The following LARP4B variants were observed in gnomAD, a reference collection of about 807,000 sequenced individuals.
The protein encoded by LARP4B is la-related protein 4B.
LARP4B carries 12 observed loss-of-function variants against 89.8 expected under a neutral mutation model. That is an observed-to-expected ratio of 0.13 (90% CI 0.09 to 0.22). LARP4B has a LOEUF of 0.22. Ranked by LOEUF, LARP4B falls within the 10% of genes least tolerant of loss-of-function variation. LARP4B has a pLI of 1.00. For missense variants in LARP4B, 757 were observed against 947.7 expected (o/e 0.80, Z 2.64); for synonymous variants, 367 against 363.3 (o/e 1.01, Z -0.12).
the LARP4B span, among the ~76,000 whole-genome samples, chr10:939,699 G>A: frequency 5.5e-4 from 84 of 152,322 alleles, no homozygotes; most frequent in African/African-American, 1.9e-3. Flanking sequence ...AGAGGAATGA[G>A]TTGATGAGAC....
intron 1 of LARP4B, among the ~76,000 whole-genome samples, chr10:916,189 T>C (rs1478158726): frequency 1.3e-5 from 2 of 152,164 alleles, no homozygotes; most frequent in East Asian, 3.8e-4. Flanking sequence ...TCAGACATAA[T>C]TATGGTTATT....
intron 5 of LARP4B, 32 bp downstream of exon 5, chr10:863,711 C>G: frequency 1.9e-6 from 3 of 1,562,062 alleles, no homozygotes; most frequent in Non-Finnish European, 2.6e-6. Context: ...GCCCATATTC[C>G]CTGGGAAAAT....
intron 3 of LARP4B, among the ~76,000 whole-genome samples, chr10:869,398 A>G (rs891932848): frequency 2.6e-5 from 4 of 152,180 alleles, no homozygotes; most frequent in African/African-American, 9.6e-5. Context: ...CAGACAGAAA[A>G]AAGTCAACAC....
At chr10:959,465 A>C in the LARP4B span, among the ~76,000 whole-genome samples, 8 of 10,048 alleles carry the variant, frequency 8.0e-4, no homozygotes, top group Admixed American at 1.5e-3. Flanking sequence ...CCATCAATCC[A>C]CCTCCCCGTC....
At chr10:891,255 A>C (rs941637945) in intron 1 of LARP4B, among the ~76,000 whole-genome samples, 2 of 152,216 alleles carry the variant, frequency 1.3e-5, no homozygotes, top group Admixed American at 1.3e-4. Flanking sequence ...CACACAGTGG[A>C]AAGTTTCGGA....
intron 1 of LARP4B, among the ~76,000 whole-genome samples, chr10:906,808 G>A (rs1289413877): frequency 6.6e-6 from 1 of 152,172 alleles, no homozygotes; most frequent in Non-Finnish European, 1.5e-5. Context: ...GCAGAAACTT[G>A]CAAATACAGC....
chr10:936,026 A>T (rs1375842113), upstream of LARP4B, among the ~76,000 whole-genome samples: 1 of 152,016 alleles, frequency 6.6e-6, no homozygotes, highest in Non-Finnish European at 1.5e-5. Context: ...ATTACAGGTG[A>T]ACATTCTTTT....
At chr10:956,781 C>T in the LARP4B span, among the ~76,000 whole-genome samples, 1 of 152,178 alleles carries the variant, frequency 6.6e-6, no homozygotes, top group Non-Finnish European at 1.5e-5. This position sits in a 1 kb window ranked among gnomAD's most constrained non-coding sequence, Gnocchi z 4.3. Flanking sequence ...AGAGCCATGG[C>T]CTGTAGCCGA....
chr10:861,537 G>C (rs1404300630), intron 5 of LARP4B, among the ~76,000 whole-genome samples: 7 of 152,112 alleles, frequency 4.6e-5, no homozygotes, highest in Non-Finnish European at 1.0e-4. Flanking sequence ...CTTTTAAAAA[G>C]AATCACCTTT....
chr10:884,655 T>C (rs976038809), intron 2 of LARP4B, 149 bp from the exon 3 acceptor site: 83 of 571,908 alleles, frequency 1.5e-4, no homozygotes, highest in Non-Finnish European at 2.2e-4. Context: ...ATTCAGAATG[T>C]AGGAGGCTTA....
chr10:840,508 T>C (rs920744902), intron 7 of LARP4B, among the ~76,000 whole-genome samples: 4 of 152,224 alleles, frequency 2.6e-5, no homozygotes, highest in Non-Finnish European at 5.9e-5. Flanking sequence ...TGTTGGAATA[T>C]GTAGGCCTAG....
At chr10:879,807 CTT>C (rs1353723173) in intron 3 of LARP4B, among the ~76,000 whole-genome samples, 9 of 150,982 alleles carry the variant, frequency 6.0e-5, no homozygotes, top group African/African-American at 2.2e-4. Context: ...GAGTTTCGCT[CTT>C]GTTGCCCAGG....
chr10:874,904 A>T (rs1172221032), intron 3 of LARP4B, among the ~76,000 whole-genome samples: 1 of 152,306 alleles, frequency 6.6e-6, no homozygotes, highest in South Asian at 2.1e-4. Flanking sequence ...ACAAAATATT[A>T]ATTACATCTA....
At chr10:924,804 T>C (rs560680173) in intron 1 of LARP4B, among the ~76,000 whole-genome samples, 1 of 152,250 alleles carries the variant, frequency 6.6e-6, no homozygotes, top group Non-Finnish European at 1.5e-5. Flanking sequence ...TATGTGATTG[T>C]CCACCTGTCT....
chr10:896,475 A>T (rs1836192961), intron 1 of LARP4B, among the ~76,000 whole-genome samples: 1 of 152,232 alleles, frequency 6.6e-6, no homozygotes, highest in Non-Finnish European at 1.5e-5. Flanking sequence ...TCCAGCCAAG[A>T]TTCTATTAAG....
At chr10:880,558 T>C (rs1377706194) in intron 3 of LARP4B, among the ~76,000 whole-genome samples, 1 of 152,050 alleles carries the variant, frequency 6.6e-6, no homozygotes, top group African/African-American at 2.4e-5. Flanking sequence ...TGGTGGTGCA[T>C]GCCTGTAATT....
intron 1 of LARP4B, among the ~76,000 whole-genome samples, chr10:894,589 CTT>C (rs1476545017): frequency 6.6e-6 from 1 of 152,024 alleles, no homozygotes; most frequent in Non-Finnish European, 1.5e-5. Context: ...CATAGAAAAA[CTT>C]TTAAGGTTGC....
At chr10:837,121 T>TG (rs1564395062) in intron 7 of LARP4B, among the ~76,000 whole-genome samples, 4 of 152,078 alleles carry the variant, frequency 2.6e-5, no homozygotes, top group African/African-American at 7.2e-5. Flanking sequence ...AGGAAAAAGA[T>TG]AACAACGGAA....
chr10:975,499 T>C, the LARP4B span, among the ~76,000 whole-genome samples: 2 of 152,200 alleles, frequency 1.3e-5, no homozygotes, highest in Non-Finnish European at 2.9e-5. Flanking sequence ...ATATACAAAA[T>C]GTTAGGTTTG....
Sources: allele counts gnomAD v4.1 joint callset (sites outside exome capture counted in the v4.1 genomes callset), GRCh38; gene constraint gnomAD v4.1.1; non-coding constraint Gnocchi (gnomAD v3.1); transcripts MANE v1.5; gene names NCBI Gene and HGNC (gene_info 2026-07-23, HGNC 2026-07-21).